The following CTNND2 variants were observed in gnomAD, a reference collection of about 807,000 sequenced individuals.
CTNND2 encodes the protein catenin delta-2.
Under a neutral mutation model 144.4 loss-of-function variants are expected in CTNND2, and 22 were observed. The observed-to-expected ratio is 0.15, with a 90% CI of 0.11 to 0.22. The LOEUF (loss-of-function observed/expected upper bound fraction) is 0.22. CTNND2 is among the 10% of genes least tolerant of loss of function. CTNND2 has a pLI of 1.00. For synonymous variants in CTNND2, 751 were observed against 695.6 expected, an observed-to-expected ratio of 1.08 and a Z score of -1.25; for missense variants, 1,353 against 1,618.8, an observed-to-expected ratio of 0.84 and a Z score of 2.82.
At chr5:11,083,596 T>C (rs1561277646) in intron 15 of CTNND2, among the ~76,000 whole-genome samples, 1 of 152,216 alleles carries the variant, frequency 6.6e-6, no homozygotes. Context: ...AGCATTCCCA[T>C]TCACTTAACA....
In CTNND2 at chr5:11,615,665, C is replaced by T. The variant is rs1468661356; in HGVS notation, c.175-50609G>A. Among the ~76,000 whole-genome samples, 4 of 152,122 alleles carry T rather than the reference C, an allele frequency of 2.6e-5. No individual in the cohort carries two copies. The East Asian group carries it at 5.8e-4, about 22-fold the overall frequency. ...ACATGAGTTGGAGGACAGGACAATA[C>T]GTAGAAACTCTATATTCTGGCTGTT... On this transcript the variant is annotated intron_variant, in intron 2 of 21. Coordinates refer to ENST00000304623, the MANE Select transcript of CTNND2 (RefSeq NM_001332.4).
At chr5:11,698,682 C>T (rs1325727528) in intron 2 of CTNND2, among the ~76,000 whole-genome samples, 1 of 152,082 alleles carries the variant, frequency 6.6e-6, no homozygotes, top group South Asian at 2.1e-4. Context: ...AAATCAGGGA[C>T]TAAATTTTCA....
chr5:11,513,623 C>G (rs1173059454), intron 3 of CTNND2, among the ~76,000 whole-genome samples: 1 of 152,032 alleles, frequency 6.6e-6, no homozygotes, highest in Non-Finnish European at 1.5e-5. Flanking sequence ...CTGAAGATCC[C>G]TAAGTATGTA....
At chr5:11,667,636 T>C (rs961443506) in intron 2 of CTNND2, among the ~76,000 whole-genome samples, 1 of 152,218 alleles carries the variant, frequency 6.6e-6, no homozygotes, top group Non-Finnish European at 1.5e-5. Context: ...TGTAAACTTG[T>C]TTAAGTTCTT....
chr5:11,036,896 C>T (rs974814173), intron 16 of CTNND2, among the ~76,000 whole-genome samples: 9 of 152,044 alleles, frequency 5.9e-5, no homozygotes, highest in African/African-American at 1.7e-4. Context: ...GAATCCAATA[C>T]AAAAAGACCT....
chr5:11,592,152 C>T (rs1340277076), intron 2 of CTNND2, among the ~76,000 whole-genome samples: 1 of 141,630 alleles, frequency 7.1e-6, no homozygotes, highest in Non-Finnish European at 1.6e-5. Context: ...GCCTTCCTGC[C>T]TTCCTGCCTG....
intron 1 of CTNND2, among the ~76,000 whole-genome samples, chr5:11,845,347 T>G (rs1794684025): frequency 6.6e-6 from 1 of 152,172 alleles, no homozygotes; most frequent in Non-Finnish European, 1.5e-5. Flanking sequence ...ATGGACTATA[T>G]TATGTCCTCC....
chr5:11,634,938 A>G (rs1781603706), intron 2 of CTNND2, among the ~76,000 whole-genome samples: 1 of 152,080 alleles, frequency 6.6e-6, no homozygotes, highest in Non-Finnish European at 1.5e-5. Context: ...CTTTAGAGCA[A>G]TTTTAATGTC....
rs185197988 is a variant in CTNND2, at chr5:11,287,252, T to A, written c.1629-50429A>T. Among the ~76,000 whole-genome samples, 135 of 152,162 alleles carry A rather than the reference T, an allele frequency of 8.9e-4. 4 individuals are homozygous for A. In the East Asian group the frequency reaches 0.023, roughly 26 times the overall value. On this transcript the variant is annotated intron_variant, in intron 9 of 21. Coordinates refer to ENST00000304623, the MANE Select transcript of CTNND2 (RefSeq NM_001332.4). The stretch of plus-strand genomic sequence containing the variant: ...ATCAGTCAACTTTAAGTAAGGCAGA[T>A]AACCCAAAATGCGCATGGGCCTCAT...
intron 2 of CTNND2, among the ~76,000 whole-genome samples, chr5:11,714,345 T>C (rs1786221152): frequency 6.6e-6 from 1 of 152,186 alleles, no homozygotes; most frequent in South Asian, 2.1e-4. Context: ...TTTCTTAAGA[T>C]TACTGCATGA....
Position 11,617,221 on chromosome 5 carries a change from T to G in CTNND2, c.175-52165A>C, listed in dbSNP as rs1370216936. Among the ~76,000 whole-genome samples, 10 of 152,306 alleles carry G rather than the reference T, an allele frequency of 6.6e-5. No individual in the cohort carries two copies. In the South Asian group the frequency reaches 2.1e-3, roughly 32 times the overall value. ...TACACAAATGCTCCTATTTCTGAAT[T>G]CTCTATCTTGGGTTACGACACTGAT... On this transcript the variant is annotated intron_variant, in intron 2 of 21. Coordinates refer to ENST00000304623, the MANE Select transcript of CTNND2 (RefSeq NM_001332.4).
chr5:11,117,823 C>G (rs983261782), intron 12 of CTNND2, among the ~76,000 whole-genome samples: 2 of 152,322 alleles, frequency 1.3e-5, no homozygotes, highest in African/African-American at 4.8e-5. Flanking sequence ...CTGTGAGTCC[C>G]ATGACCGTGG....
At chr5:11,534,617 AAAG>A in intron 3 of CTNND2, among the ~76,000 whole-genome samples, 1 of 151,776 alleles carries the variant, frequency 6.6e-6, no homozygotes, top group South Asian at 2.1e-4. Context: ...GGGGAAAAAA[AAAG>A]AAAGAAAAGA....
chr5:11,822,255 T>TCTTTTACTG (rs1793354986), intron 1 of CTNND2, among the ~76,000 whole-genome samples: 1 of 152,192 alleles, frequency 6.6e-6, no homozygotes, highest in South Asian at 2.1e-4. Context: ...GCAGTAACTG[T>TCTTTTACTG]CTATCAGTCT....
chr5:11,251,235 C>A (rs1743616691), intron 9 of CTNND2, among the ~76,000 whole-genome samples: 1 of 152,090 alleles, frequency 6.6e-6, no homozygotes, highest in Admixed American at 6.6e-5. Context: ...TCACAGGGTG[C>A]CCCCCAGGCC....
intron 12 of CTNND2, among the ~76,000 whole-genome samples, chr5:11,118,141 A>T (rs61753316): frequency 1.3e-5 from 2 of 152,384 alleles, no homozygotes; most frequent in East Asian, 3.9e-4. Context: ...GTACTAGCAC[A>T]TGCTGAGCTA....
chr5:11,475,948 T>C (rs1433514616), intron 3 of CTNND2, among the ~76,000 whole-genome samples: 1 of 151,956 alleles, frequency 6.6e-6, no homozygotes, highest in African/African-American at 2.4e-5. Flanking sequence ...AGCCTTGACC[T>C]CCCCAGGCTG....
chr5:11,181,444 C>A lies in CTNND2; in HGVS notation c.1975+18004G>T, dbSNP rs149151637. ...GGTGAGATGGCGACAACCAGCAGAG[C>A]ACACAGGCTGTGCCCCGGGGAGCCA... is the stretch of plus-strand genomic sequence containing the variant. On this transcript the variant is annotated intron_variant, in intron 11 of 21. Coordinates refer to ENST00000304623, the MANE Select transcript of CTNND2 (RefSeq NM_001332.4). Among the ~76,000 whole-genome samples, 254 of 152,278 alleles carry A rather than the reference C, an allele frequency of 1.7e-3. 1 individual carries two copies. Among genetic ancestry groups the A allele is most frequent in the African/African-American group, 5.9e-3 (243 of 41,532 alleles).
intron 3 of CTNND2, among the ~76,000 whole-genome samples, chr5:11,517,056 C>T (rs1772226479): frequency 6.6e-6 from 1 of 152,130 alleles, no homozygotes; most frequent in Admixed American, 6.6e-5. Context: ...AATACAAATT[C>T]CAATATTCCA....
Sources: gnomAD v4.1 joint callset for allele counts (sites outside exome capture counted in the v4.1 genomes callset) on GRCh38, gnomAD v4.1.1 for gene constraint, MANE v1.5 for transcripts, NCBI Gene and HGNC (gene_info 2026-07-23, HGNC 2026-07-21) for gene names.